Variants in PARVA observed in about 807,000 individuals in gnomAD.
PARVA encodes the protein alpha-parvin.
PARVA carries 25 observed loss-of-function variants against 52.6 expected under a neutral mutation model. The ratio of observed to expected loss-of-function variants is 0.48; its 90% CI spans 0.35 to 0.66. The LOEUF (loss-of-function observed/expected upper bound fraction) is 0.66. Ranked by LOEUF, PARVA falls within the 30% of genes least tolerant of loss-of-function variation. PARVA has a pLI of 0.01. For missense variants in PARVA, 373 were observed against 450.9 expected (o/e 0.83, Z 1.56); for synonymous variants, 185 against 179.1 (o/e 1.03, Z -0.26).
At chr11:12,511,660 C>T in intron 8 of PARVA, 127 bp downstream of exon 8, 1 of 973,090 alleles carries the variant, frequency 1.0e-6, no homozygotes, top group Non-Finnish European at 1.6e-6. Context: ...GCCTGGGTGA[C>T]ATGGCCAATT....
At chr11:12,498,681 TCTC>T (rs982612940) in intron 5 of PARVA, among the ~76,000 whole-genome samples, 6 of 151,622 alleles carry the variant, frequency 4.0e-5, no homozygotes, top group South Asian at 2.1e-4. Context: ...TTCAAGCAGT[TCTC>T]CTGCCTCAGC....
intron 1 of PARVA, among the ~76,000 whole-genome samples, chr11:12,440,593 T>A (rs955032176): frequency 3.3e-5 from 5 of 152,240 alleles, no homozygotes; most frequent in African/African-American, 7.2e-5. Context: ...AAAGCTGACG[T>A]CAAGTTGTTG....
At chr11:12,523,979 C>T (rs771849255) in intron 12 of PARVA, among the ~76,000 whole-genome samples, 22 of 152,222 alleles carry the variant, frequency 1.4e-4, no homozygotes, top group Non-Finnish European at 2.5e-4. Context: ...GGGCCCAGGT[C>T]TTGGCTTTCT....
chr11:12,395,247 G>GTA (rs1310973592), intron 1 of PARVA, among the ~76,000 whole-genome samples: 1 of 152,172 alleles, frequency 6.6e-6, no homozygotes, highest in Non-Finnish European at 1.5e-5. Flanking sequence ...AAGGTCAACT[G>GTA]TATAATTTAA....
At chr11:12,510,280 G>A (rs1263397991) in intron 7 of PARVA, among the ~76,000 whole-genome samples, 1 of 152,092 alleles carries the variant, frequency 6.6e-6, no homozygotes, top group Admixed American at 6.6e-5. Flanking sequence ...TCACTTAGTG[G>A]GTGACAGGTG....
intron 1 of PARVA, among the ~76,000 whole-genome samples, chr11:12,381,757 A>G (rs535734255): frequency 1.3e-5 from 2 of 152,214 alleles, no homozygotes; most frequent in Non-Finnish European, 2.9e-5. Context: ...ACGTTTGCAA[A>G]ACTGTGCTGC....
intron 1 of PARVA, among the ~76,000 whole-genome samples, chr11:12,458,866 CAGAG>C (rs1343476725): frequency 6.6e-6 from 1 of 152,212 alleles, no homozygotes. Context: ...TGCAGTTTCT[CAGAG>C]AGCCCCAGTA....
At chr11:12,396,328 T>C (rs1307908066) in intron 1 of PARVA, among the ~76,000 whole-genome samples, 3 of 152,264 alleles carry the variant, frequency 2.0e-5, no homozygotes, top group Non-Finnish European at 4.4e-5. Flanking sequence ...AACTGTTTAA[T>C]AATTTACCAT....
At chr11:12,456,852 C>A (rs1940704275) in intron 1 of PARVA, among the ~76,000 whole-genome samples, 1 of 152,120 alleles carries the variant, frequency 6.6e-6, no homozygotes, top group Non-Finnish European at 1.5e-5. Context: ...TCCCTTTTAC[C>A]CCAGGACACA....
intron 12 of PARVA, among the ~76,000 whole-genome samples, chr11:12,525,893 G>A (rs865957286): frequency 4.6e-5 from 7 of 152,098 alleles, no homozygotes; most frequent in African/African-American, 7.2e-5. Context: ...AAGGCCTGGA[G>A]GGAGCAGGCA....
chr11:12,440,447 G>A (rs1554895982), intron 1 of PARVA, among the ~76,000 whole-genome samples: 2 of 152,188 alleles, frequency 1.3e-5, no homozygotes, highest in Admixed American at 6.5e-5. Context: ...GTGAACTGGG[G>A]CTCTGTATTA....
chr11:12,429,091 C>T (rs1940278284), intron 1 of PARVA, among the ~76,000 whole-genome samples: 1 of 152,122 alleles, frequency 6.6e-6, no homozygotes, highest in Non-Finnish European at 1.5e-5. Context: ...GATCCTCCTG[C>T]CCCAGCTTCT....
intron 5 of PARVA, among the ~76,000 whole-genome samples, chr11:12,501,356 A>G (rs79392488): frequency 0.025 from 3,817 of 152,182 alleles, 150 homozygotes; most frequent in African/African-American, 0.086. Context: ...TATCTTAACT[A>G]TGATTTTCAA....
Position 12,480,400 on chromosome 11 carries a change from A to G in PARVA, c.400+2451A>G, listed in dbSNP as rs150326869. Reference sequence around the variant, plus strand: ...AGCTTCGGCACATGAAGACATGGCTAAGCCGGGAGCCTCACCACGCATCTG... The same window carrying G: ...AGCTTCGGCACATGAAGACATGGCTGAGCCGGGAGCCTCACCACGCATCTG... On this transcript the variant is annotated intron_variant, in intron 4 of 12. Transcript: ENST00000334956. 1,158 of 152,258 alleles carry G rather than the reference A, an allele frequency of 7.6e-3. 8 individuals carry two copies. The highest frequency in any genetic ancestry group is 0.012 in the Non-Finnish European group (787 of 68,016). The allele number at this position is 152,258 out of a possible 1,614,324, so 9.4% of individuals were successfully genotyped here. A position where few individuals can be genotyped will look rare whatever the true frequency, so the allele number is the denominator to read the frequency against.
At chr11:12,485,843 T>G (rs1941152432) in intron 4 of PARVA, among the ~76,000 whole-genome samples, 1 of 152,110 alleles carries the variant, frequency 6.6e-6, no homozygotes, top group Non-Finnish European at 1.5e-5. Flanking sequence ...ACTTCTGTGG[T>G]CTTCCTCCCC....
At chr11:12,491,263 A>G (rs1383167663) in intron 4 of PARVA, among the ~76,000 whole-genome samples, 1 of 152,158 alleles carries the variant, frequency 6.6e-6, no homozygotes, top group Non-Finnish European at 1.5e-5. Context: ...CCCAGGCTCA[A>G]AAGAAATCCT....
At chr11:12,425,611 G>A (rs972185600) in intron 1 of PARVA, among the ~76,000 whole-genome samples, 1 of 152,088 alleles carries the variant, frequency 6.6e-6, no homozygotes, top group African/African-American at 2.4e-5. Flanking sequence ...TCCCTTAAGT[G>A]TGCCTTCATC....
chr11:12,452,855 C>T (rs924608978), intron 1 of PARVA: 2 of 328,572 alleles, frequency 6.1e-6, no homozygotes, highest in South Asian at 2.4e-5. Flanking sequence ...AGAGTTGTGC[C>T]GAGCAGGAGG....
At chr11:12,507,661 T>G (rs1941449226) in intron 6 of PARVA, among the ~76,000 whole-genome samples, 1 of 152,172 alleles carries the variant, frequency 6.6e-6, no homozygotes, top group African/African-American at 2.4e-5. Context: ...TAAAAGTGCT[T>G]GCTCCTGGCC....
Sources: allele counts gnomAD v4.1 joint callset (sites outside exome capture counted in the v4.1 genomes callset), GRCh38; gene constraint gnomAD v4.1.1; transcripts MANE v1.5; gene names NCBI Gene and HGNC (gene_info 2026-07-23, HGNC 2026-07-21).